The following PTPRQ variants were observed in gnomAD, a reference collection of about 807,000 sequenced individuals.
PTPRQ encodes protein tyrosine phosphatase receptor type Q.
In PTPRQ, 199 loss-of-function variants were observed where a neutral mutation model predicts 246.0. That is an observed-to-expected ratio of 0.81 (90% CI 0.72 to 0.91). The LOEUF is 0.91. PTPRQ is among the 40% of genes least tolerant of loss of function. PTPRQ has a pLI of 0.00. For missense variants in PTPRQ, 2,624 were observed against 2,528.4 expected (o/e 1.04, Z -0.81); for synonymous variants, 869 against 853.2 (o/e 1.02, Z -0.32).
intron 39 of PTPRQ, among the ~76,000 whole-genome samples, chr12:80,664,828 A>C (rs948924383): frequency 1.3e-5 from 2 of 151,968 alleles, no homozygotes; most frequent in Non-Finnish European, 2.9e-5. Flanking sequence ...TGACTCTTTC[A>C]TCTTAGTCTC....
chr12:80,606,380 A>T (rs1046122171), intron 27 of PTPRQ, among the ~76,000 whole-genome samples: 12 of 151,208 alleles, frequency 7.9e-5, no homozygotes, highest in Admixed American at 2.0e-4. Flanking sequence ...CACTTAAATA[A>T]GAGGCCATTG....
intron 10 of PTPRQ, 73 bp from the exon 11 acceptor site, chr12:80,494,860 T>C: frequency 1.4e-6 from 2 of 1,449,504 alleles, no homozygotes; most frequent in Admixed American, 2.8e-5. Context: ...GATTTTATAG[T>C]CTAAGAAAAA....
intron 25 of PTPRQ, among the ~76,000 whole-genome samples, chr12:80,577,706 TG>T (rs1323727731): frequency 1.3e-5 from 2 of 152,176 alleles, no homozygotes; most frequent in African/African-American, 4.8e-5. Context: ...GGTTTATATT[TG>T]GGGCCCCAAT....
intron 14 of PTPRQ, among the ~76,000 whole-genome samples, chr12:80,496,856 A>C (rs572539277): frequency 6.6e-6 from 1 of 152,138 alleles, no homozygotes; most frequent in African/African-American, 2.4e-5. Flanking sequence ...GGTAAAACTG[A>C]GACATACTCA....
chr12:80,570,834 A>G, intron 25 of PTPRQ, among the ~76,000 whole-genome samples: 1 of 152,170 alleles, frequency 6.6e-6, no homozygotes, highest in East Asian at 1.9e-4. Flanking sequence ...CCATTTATTA[A>G]ATAGGGAATC....
Position 80,673,192 on chromosome 12 carries a change from T to G in PTPRQ, c.6626T>G (p.Val2209Gly), listed in dbSNP as rs1477872224. ...AGTGCTGGAGTTGGAAGAACTGGAG[T>G]TTTTATTGCTCTGGACCATTTAACA... is the stretch of plus-strand genomic sequence containing the variant. ...HCSAGVGRTGVFIALDHLTQH... is the reference protein window; with the variant it reads ...HCSAGVGRTGGFIALDHLTQH... Residue 2209 changes from valine to glycine, a missense_variant, in exon 43 of 45, where the codon GTT (valine) becomes GGT (glycine). Physicochemically the swap from Val to Gly is moderately radical, Grantham distance 109. Coordinates refer to ENST00000644991, the MANE Select transcript of PTPRQ (RefSeq NM_001145026.2). 3 of 1,550,450 alleles carry G rather than the reference T, an allele frequency of 1.9e-6. No individual in the cohort carries two copies. The South Asian group carries it at 3.6e-5, about 18-fold the overall frequency.
At chr12:80,636,127 T>A (rs17007035) in intron 35 of PTPRQ, among the ~76,000 whole-genome samples, 4,195 of 152,296 alleles carry the variant, frequency 0.028, 189 homozygotes, top group African/African-American at 0.091. Context: ...ATCACTAAAT[T>A]GCAGGGAAAT....
intron 35 of PTPRQ, among the ~76,000 whole-genome samples, chr12:80,643,273 A>G (rs1255678794): frequency 6.6e-6 from 1 of 152,032 alleles, no homozygotes; most frequent in Non-Finnish European, 1.5e-5. Flanking sequence ...TCCCGTCTCT[A>G]CTAAAAGTAC....
intron 3 of PTPRQ, chr12:80,454,546 A>G (rs1446049151): frequency 1.0e-5 from 7 of 702,358 alleles, no homozygotes; most frequent in African/African-American, 1.7e-5. Flanking sequence ...CTTTTGTTGC[A>G]TTTCTTAGGG....
chr12:80,675,744 C>G (rs1045753712), intron 43 of PTPRQ, among the ~76,000 whole-genome samples: 2 of 152,288 alleles, frequency 1.3e-5, no homozygotes, highest in African/African-American at 4.8e-5. Flanking sequence ...TTCTGTTTAA[C>G]CAGCCATAGC....
intron 39 of PTPRQ, among the ~76,000 whole-genome samples, chr12:80,661,434 T>G (rs1432348065): frequency 6.6e-6 from 1 of 150,868 alleles, no homozygotes; most frequent in Non-Finnish European, 1.5e-5. Flanking sequence ...ATTGTAATTT[T>G]GGAATAATTA....
rs940481014 is a variant in PTPRQ, at chr12:80,510,577, T to G, written c.2678+134T>G. 7 of 978,934 alleles carry G rather than the reference T, an allele frequency of 7.2e-6. No individual in the cohort carries two copies. The African/African-American group carries it at 1.2e-4, about 16-fold the overall frequency. 60.6% of individuals were successfully genotyped at this position (978,934 alleles called of 1,614,324 possible). On this transcript the variant is annotated intron_variant, in intron 17 of 44. Coordinates refer to ENST00000644991, the MANE Select transcript of PTPRQ (RefSeq NM_001145026.2). Reference sequence around the variant, plus strand: ...TATTAATAGGCTAGTTAATATGTTTTGATTAAGAAACAAGTTTTTCCATAT... The same window carrying G: ...TATTAATAGGCTAGTTAATATGTTTGGATTAAGAAACAAGTTTTTCCATAT...
At chr12:80,475,430 G>T (rs1047177120) in intron 8 of PTPRQ, among the ~76,000 whole-genome samples, 1 of 151,912 alleles carries the variant, frequency 6.6e-6, no homozygotes, top group Non-Finnish European at 1.5e-5. Flanking sequence ...TAAATGTATC[G>T]ACTTGAGAAT....
intron 39 of PTPRQ, among the ~76,000 whole-genome samples, chr12:80,661,415 A>AAT (rs1175657098): frequency 1.3e-5 from 2 of 150,618 alleles, no homozygotes; most frequent in East Asian, 1.9e-4. Flanking sequence ...AATAGGACCC[A>AAT]ATATATATAT....
At chr12:80,476,470 C>A (rs747320706) in intron 8 of PTPRQ, among the ~76,000 whole-genome samples, 7 of 151,962 alleles carry the variant, frequency 4.6e-5, no homozygotes. Flanking sequence ...AATGAATGGC[C>A]CAACGATTGT....
chr12:80,520,258 G>T (rs1010736325), intron 17 of PTPRQ, among the ~76,000 whole-genome samples: 1 of 152,058 alleles, frequency 6.6e-6, no homozygotes, highest in African/African-American at 2.4e-5. Flanking sequence ...TCCTGTGGCG[G>T]TTTCCCCCAT....
chr12:80,654,729 A>G (rs1256060550), intron 38 of PTPRQ, among the ~76,000 whole-genome samples: 1 of 150,760 alleles, frequency 6.6e-6, no homozygotes, highest in Non-Finnish European at 1.5e-5. Context: ...GCGTGATGGC[A>G]GGTGCCTGTA....
chr12:80,495,442 A>G, intron 12 of PTPRQ, 71 bp downstream of exon 12: 2 of 1,456,818 alleles, frequency 1.4e-6, no homozygotes, highest in Non-Finnish European at 1.8e-6. Context: ...AAATATGCCC[A>G]TCTCCCTGTG....
intron 33 of PTPRQ, among the ~76,000 whole-genome samples, chr12:80,631,712 G>A (rs2121167453): frequency 6.6e-6 from 1 of 152,314 alleles, no homozygotes; most frequent in Middle Eastern, 3.4e-3. Flanking sequence ...TTCTATGAAA[G>A]AGAGTCAAAG....
Sources: allele counts gnomAD v4.1 joint callset (sites outside exome capture counted in the v4.1 genomes callset), GRCh38; gene constraint gnomAD v4.1.1; transcripts MANE v1.5; gene names NCBI Gene and HGNC (gene_info 2026-07-23, HGNC 2026-07-21).